MGAM2: variants seen among roughly 807,000 people sequenced by gnomAD.
MGAM2 encodes probable maltase-glucoamylase 2.
A neutral mutation model predicts 96.1 loss-of-function variants in MGAM2; 98 were observed. The observed-to-expected ratio is 1.02, with a 90% CI of 0.87 to 1.21. The LOEUF is 1.21. Among genes scored for constraint, MGAM2 ranks in the 50% most tolerant of loss-of-function variants. The pLI is 0.00. For missense variants in MGAM2, 2,055 were observed against 1,182.4 expected (o/e 1.74, Z -10.82); for synonymous variants, 749 against 414.8 (o/e 1.81, Z -9.79).
intron 12 of MGAM2, among the ~76,000 whole-genome samples, chr7:142,142,108 A>G (rs912609035): frequency 1.3e-5 from 2 of 152,128 alleles, no homozygotes; most frequent in African/African-American, 4.8e-5. Flanking sequence ...CCCTTACCAA[A>G]ATCTGCCCAC....
rs540176845 is a variant in MGAM2 at position 142,143,646 on chromosome 7, G to A, written c.1318-123G>A. On this transcript the variant is annotated intron_variant, in intron 12 of 47. Coordinates refer to ENST00000477922, the MANE Select transcript of MGAM2 (RefSeq NM_001293626.2). The stretch of plus-strand genomic sequence containing the variant: ...ATTTTATTGTTTAGTTTTTGTTGGG[G>A]TAGTCACACATTTTATTTCTAAAAT... 1.6e-4 allele frequency: 74 copies of A among 451,178 alleles called. 2 individuals carry two copies. The South Asian group carries it at 2.8e-3, about 17-fold the overall frequency. The allele number at this position is 451,178 out of a possible 1,614,324, so 27.9% of individuals were successfully genotyped here. A position where few individuals can be genotyped will look rare whatever the true frequency, so the allele number is the denominator to read the frequency against.
intron 15 of MGAM2, among the ~76,000 whole-genome samples, chr7:142,152,555 A>T (rs1012501842): frequency 6.6e-6 from 1 of 152,220 alleles, no homozygotes; most frequent in Non-Finnish European, 1.5e-5. Context: ...CAAACTTCCC[A>T]GGAAAATGAA....
chr7:142,168,271 C>CTT (rs71727326), intron 26 of MGAM2, among the ~76,000 whole-genome samples: 31 of 140,924 alleles, frequency 2.2e-4, no homozygotes, highest in African/African-American at 6.2e-4. Context: ...GCATTTCTTT[C>CTT]TTTTTTTTTT....
intron 46 of MGAM2, among the ~76,000 whole-genome samples, chr7:142,214,742 C>A (rs1797698747): frequency 6.6e-6 from 1 of 150,644 alleles, no homozygotes; most frequent in South Asian, 2.1e-4. Flanking sequence ...AAATCAAAAC[C>A]ACAATGAGAT....
rs997829727 is a variant in MGAM2, at chr7:142,221,123, T to G, written c.6612T>G (p.Ser2204=). ...ACAGTTTTTCCATTATGACCACTTCTTTCTCTGAAAGTACTAATGCTATGA... is the reference window on the plus strand; with the variant it reads ...ACAGTTTTTCCATTATGACCACTTCGTTCTCTGAAAGTACTAATGCTATGA... ...TSNSFSIMTT[S]FSESTNAMNT... The change falls in exon 48 of 48, where the codon TCT becomes TCG. Residue 2204 remains serine, a synonymous_variant. Transcript: ENST00000477922. 1 of 702,452 alleles carries G rather than the reference T, an allele frequency of 1.4e-6. No homozygotes were observed. Among genetic ancestry groups the G allele is most frequent in the African/African-American group, 1.7e-5 (1 of 57,204 alleles). The allele number at this position is 702,452 out of a possible 1,614,324, so 43.5% of individuals were successfully genotyped here. A position where few individuals can be genotyped will look rare whatever the true frequency, so the allele number is the denominator to read the frequency against.
chr7:142,167,172 G>C, intron 25 of MGAM2, 96 bp from the exon 26 acceptor site: 1 of 605,402 alleles, frequency 1.7e-6, no homozygotes, highest in Non-Finnish European at 3.0e-6. Flanking sequence ...CATGGACATG[G>C]TATTAGAGAC....
chr7:142,184,373 T>A (rs1796633053), intron 33 of MGAM2, among the ~76,000 whole-genome samples: 1 of 152,210 alleles, frequency 6.6e-6, no homozygotes, highest in Non-Finnish European at 1.5e-5. Flanking sequence ...TAGTAACTAT[T>A]TTAGTTTTTC....
At chr7:142,180,606 A>G (rs941528074) in intron 32 of MGAM2, among the ~76,000 whole-genome samples, 2 of 152,194 alleles carry the variant, frequency 1.3e-5, no homozygotes, top group Admixed American at 6.5e-5. Flanking sequence ...GGAAATTTTC[A>G]TGGACAATAT....
chr7:142,160,052 A>G (rs1269102027), intron 20 of MGAM2, 82 bp from the exon 21 acceptor site: 6 of 611,860 alleles, frequency 9.8e-6, no homozygotes, highest in African/African-American at 3.7e-5. Context: ...AAATATGTCA[A>G]CTGAATGAGA....
At chr7:142,186,901 C>A (rs965827632) in intron 35 of MGAM2, among the ~76,000 whole-genome samples, 5 of 151,812 alleles carry the variant, frequency 3.3e-5, no homozygotes, top group African/African-American at 4.8e-5. Context: ...GCAAATCAGA[C>A]AGTGGAGAGT....
Position 142,167,479 on chromosome 7 carries a change from A to G in MGAM2, c.3020A>G (p.Gln1007Arg). ...ATCTATCACACAGCAACCATGCTGC[A>G]GGTCAAGGTAAGGCCCATGTTGCAG... ...KVIYHTATML[Q>R]VKIYDPTNKR... The change falls in exon 26 of 48, where the codon CAG becomes CGG. Residue 1007 changes from glutamine to arginine, a missense_variant. By Grantham distance (43) the Gln-to-Arg change is conservative. Transcript: ENST00000477922. 1 of 703,026 alleles carries G rather than the reference A, an allele frequency of 1.4e-6. No homozygotes were observed. The highest frequency in any genetic ancestry group is 2.6e-6 in the Non-Finnish European group (1 of 384,990). The allele number at this position is 703,026 out of a possible 1,614,324, so 43.5% of individuals were successfully genotyped here.
intron 45 of MGAM2, among the ~76,000 whole-genome samples, chr7:142,204,676 C>G (rs560481385): frequency 2.0e-5 from 3 of 151,934 alleles, no homozygotes; most frequent in Non-Finnish European, 4.4e-5. Context: ...GAGTTCTGAA[C>G]AAAATGTGTT....
rs762464968 is a variant in MGAM2 at position 142,187,367 on chromosome 7, A to G, written c.4123-383A>G. On this transcript the variant is annotated intron_variant, in intron 35 of 47. Coordinates refer to ENST00000477922, the MANE Select transcript of MGAM2 (RefSeq NM_001293626.2). ...AAAAGTGAATAATCCATGCGTAGTA[A>G]AACAAGATGGGCTACCTCTGTTGGG... Among the ~76,000 whole-genome samples, 51 of 152,256 alleles carry G rather than the reference A, an allele frequency of 3.3e-4. 1 individual carries two copies. Among genetic ancestry groups the G allele is most frequent in the Non-Finnish European group, 1.3e-4 (9 of 68,050 alleles).
At chr7:142,155,831 C>T (rs1039589985) in intron 17 of MGAM2, among the ~76,000 whole-genome samples, 8 of 152,120 alleles carry the variant, frequency 5.3e-5, no homozygotes, top group African/African-American at 1.9e-4. Flanking sequence ...AGGAGAGCCA[C>T]ATATGTCAGT....
chr7:142,170,828 T>A (rs1796162280), intron 27 of MGAM2, among the ~76,000 whole-genome samples: 1 of 152,204 alleles, frequency 6.6e-6, no homozygotes, highest in African/African-American at 2.4e-5. Flanking sequence ...GTCTTCTCTC[T>A]TGGGCTGTGT....
chr7:142,160,015 T>C, intron 20 of MGAM2, 119 bp from the exon 21 acceptor site: 1 of 587,292 alleles, frequency 1.7e-6, no homozygotes, highest in Non-Finnish European at 3.0e-6. Context: ...CACTTCACTT[T>C]GGGGTTCTCT....
At chr7:142,171,652 A>G (rs1282951839) in intron 28 of MGAM2, among the ~76,000 whole-genome samples, 2 of 75,646 alleles carry the variant, frequency 2.6e-5, no homozygotes, top group Non-Finnish European at 5.4e-5. Context: ...ATATATATAT[A>G]TATCCACAAC....
rs1050954496 is a variant in MGAM2, at chr7:142,196,689, C to T, written c.4516-11C>T. ...ATTCCCACCTCATGCTCTCATTATGCATCTTCTCAGACAGGAGCAGATATC... is the reference window on the plus strand; with the variant it reads ...ATTCCCACCTCATGCTCTCATTATGTATCTTCTCAGACAGGAGCAGATATC... On this transcript the variant is annotated splice_polypyrimidine_tract_variant and intron_variant, in intron 39 of 47. Transcript: ENST00000477922. 18 of 779,080 alleles carry T rather than the reference C, an allele frequency of 2.3e-5. No homozygotes were observed. The highest frequency in any genetic ancestry group is 3.8e-5 in the Non-Finnish European group (16 of 418,630). The allele number at this position is 779,080 out of a possible 1,614,324, so 48.3% of individuals were successfully genotyped here. A position where few individuals can be genotyped will look rare whatever the true frequency, so the allele number is the denominator to read the frequency against.
chr7:142,183,950 C>T (rs1336900007), intron 33 of MGAM2, among the ~76,000 whole-genome samples: 246 of 46,154 alleles, frequency 5.3e-3, no homozygotes, highest in Non-Finnish European at 7.0e-3. Flanking sequence ...TTCCAGGCTC[C>T]TTTTTTTTTT....
Sources: gnomAD v4.1 joint callset for allele counts (sites outside exome capture counted in the v4.1 genomes callset) on GRCh38, gnomAD v4.1.1 for gene constraint, MANE v1.5 for transcripts, NCBI Gene and HGNC (gene_info 2026-07-23, HGNC 2026-07-21) for gene names.